DDX6: variants seen among roughly 807,000 people sequenced by gnomAD.
DDX6 encodes the protein probable ATP-dependent RNA helicase DDX6.
A neutral mutation model predicts 60.6 loss-of-function variants in DDX6; 7 were observed. The ratio of observed to expected loss-of-function variants is 0.12; its 90% CI spans 0.07 to 0.22. The LOEUF (loss-of-function observed/expected upper bound fraction) is 0.22, where lower values mean the gene tolerates loss of function less well. Ranked by LOEUF, DDX6 falls within the 10% of genes least tolerant of loss-of-function variation. The pLI is 1.00. For synonymous variants in DDX6, 207 were observed against 201.0 expected, an observed-to-expected ratio of 1.03 and a Z score of -0.25; for missense variants, 270 against 589.9, an observed-to-expected ratio of 0.46 and a Z score of 5.62.
At chr11:118,786,781 C>T in intron 1 of DDX6, 1 of 153,644 alleles carries the variant, frequency 6.5e-6, no homozygotes, top group Non-Finnish European at 1.5e-5. Flanking sequence ...TAAATTAGCA[C>T]TACTCGTCAA....
At chr11:118,773,744 T>G (rs1409598893) in intron 4 of DDX6, among the ~76,000 whole-genome samples, 1 of 151,582 alleles carries the variant, frequency 6.6e-6, no homozygotes, top group Non-Finnish European at 1.5e-5. Context: ...ATCTCAACCC[T>G]CTGCAAGGCT....
chr11:118,775,967 CCAAAAA>C (rs541954503), intron 4 of DDX6, among the ~76,000 whole-genome samples: 25 of 152,016 alleles, frequency 1.6e-4, no homozygotes, highest in East Asian at 3.9e-4. Flanking sequence ...CTTGACTCTA[CCAAAAA>C]CAAAAACAAA....
intron 5 of DDX6, 90 bp from the exon 6 acceptor site, chr11:118,765,445 T>A: frequency 7.3e-7 from 1 of 1,364,878 alleles, no homozygotes; most frequent in Non-Finnish European, 1.0e-6. Flanking sequence ...TAAGAAGCTA[T>A]AGAAATACTG....
intron 8 of DDX6, 38 bp downstream of exon 8, chr11:118,759,884 C>G (rs1555159780): frequency 1.3e-6 from 2 of 1,583,004 alleles, no homozygotes; most frequent in Non-Finnish European, 1.7e-6. Flanking sequence ...TCAAAGGTCA[C>G]AGGATGGCAC....
intron 9 of DDX6, among the ~76,000 whole-genome samples, chr11:118,757,704 C>G (rs1555159281): frequency 2.0e-5 from 3 of 152,136 alleles, no homozygotes; most frequent in African/African-American, 7.2e-5. Flanking sequence ...AATTCTCCAG[C>G]CTCAGCCTCT....
chr11:118,770,226 C>A (rs1290995962), intron 4 of DDX6, among the ~76,000 whole-genome samples: 1 of 151,782 alleles, frequency 6.6e-6, no homozygotes, highest in East Asian at 1.9e-4. Flanking sequence ...GGGTGTTTCA[C>A]CATGTTGGCC....
At chr11:118,756,029 C>CCCAA (rs1491121650) in intron 11 of DDX6, among the ~76,000 whole-genome samples, 2 of 94,986 alleles carry the variant, frequency 2.1e-5, no homozygotes, top group Non-Finnish European at 4.3e-5. Context: ...CCCCCCCCCC[C>CCCAA]AAAAAAAAGA....
At chr11:118,762,072 C>T (rs1174812374) in intron 7 of DDX6, among the ~76,000 whole-genome samples, 2 of 151,882 alleles carry the variant, frequency 1.3e-5, no homozygotes, top group South Asian at 2.1e-4. Context: ...GTCAGGAGTT[C>T]GAGACTAGCC....
intron 12 of DDX6, 37 bp downstream of exon 12, chr11:118,755,365 G>C: frequency 1.5e-6 from 2 of 1,342,094 alleles, no homozygotes; most frequent in Non-Finnish European, 1.1e-6. Context: ...CCTCAAAAAA[G>C]AACTTCTACC....
chr11:118,785,976 A>G, intron 2 of DDX6, 76 bp downstream of exon 2: 2 of 1,415,342 alleles, frequency 1.4e-6, no homozygotes, highest in Non-Finnish European at 1.9e-6. Context: ...AGGCATAAGT[A>G]TTAATAGTCA....
At chr11:118,755,716 T>A (rs1860943280) in intron 11 of DDX6, among the ~76,000 whole-genome samples, 1 of 152,090 alleles carries the variant, frequency 6.6e-6, no homozygotes, top group African/African-American at 2.4e-5. Context: ...AAGCAAGTTT[T>A]AAAAAATGTG....
intron 3 of DDX6, 67 bp downstream of exon 3, chr11:118,781,054 G>C (rs546564402): frequency 9.1e-7 from 1 of 1,097,000 alleles, no homozygotes. Context: ...TCCAGATACC[G>C]AGGGACAGCT....
rs1555156124 is a variant in DDX6 at position 118,747,812 on chromosome 11, T to C, written c.*4293A>G. 1 of 151,946 alleles carries C rather than the reference T, an allele frequency of 6.6e-6. No homozygotes were observed. The highest frequency in any genetic ancestry group is 2.4e-5 in the African/African-American group (1 of 41,336). 9.4% of individuals were successfully genotyped at this position (151,946 alleles called of 1,614,324 possible). A position where few individuals can be genotyped will look rare whatever the true frequency, so the allele number is the denominator to read the frequency against. ...TGAGATAAATTAACAAAAACCAAGA[T>C]TTTACCATATTTTTGGAACCTTATA... On this transcript the variant is annotated 3_prime_UTR_variant, in exon 14 of 14. Coordinates refer to ENST00000534980, the MANE Select transcript of DDX6 (RefSeq NM_004397.6).
intron 13 of DDX6, among the ~76,000 whole-genome samples, chr11:118,753,510 T>C (rs1268950578): frequency 1.3e-5 from 2 of 150,882 alleles, no homozygotes; most frequent in East Asian, 2.0e-4. Flanking sequence ...CGGCTAATTT[T>C]TGTATTTTTA....
chr11:118,750,012 G>A lies in DDX6; in HGVS notation c.*2093C>T, dbSNP rs892735004. On this transcript the variant is annotated 3_prime_UTR_variant, in exon 14 of 14. Coordinates refer to ENST00000534980, the MANE Select transcript of DDX6 (RefSeq NM_004397.6). Reference sequence around the variant, plus strand: ...GTAGGATTTTGATCTCCAAGGAATTGTGGGTGAGTCGCAAATAGTTTGCTC... The same window carrying A: ...GTAGGATTTTGATCTCCAAGGAATTATGGGTGAGTCGCAAATAGTTTGCTC... 6 of 152,620 alleles carry A rather than the reference G, an allele frequency of 3.9e-5. No individual in the cohort carries two copies. The highest frequency in any genetic ancestry group is 5.9e-5 in the Non-Finnish European group (4 of 68,046). 9.5% of individuals were successfully genotyped at this position (152,620 alleles called of 1,614,324 possible).
rs1591928610 is a variant in DDX6 at position 118,786,385 on chromosome 11, T to G, written c.-134A>C. The G allele has an allele frequency of 1.5e-6, 1 of 677,728 alleles. No individual in the cohort carries two copies. Among genetic ancestry groups the G allele is most frequent in the East Asian group, 2.9e-5 (1 of 34,376 alleles). The allele number at this position is 677,728 out of a possible 1,614,324, so 42.0% of individuals were successfully genotyped here. ...CTTGCTCAATAAATGAGTCCTTTAT[T>G]GCAATGCAGGCAAGCACCTGTAAGT... On this transcript the variant is annotated 5_prime_UTR_variant, in exon 2 of 14. Coordinates refer to ENST00000534980, the MANE Select transcript of DDX6 (RefSeq NM_004397.6).
At chr11:118,789,731 A>G (rs535083025) in intron 1 of DDX6, 9 of 152,362 alleles carry the variant, frequency 5.9e-5, no homozygotes, top group African/African-American at 2.2e-4. Context: ...CAACCTCTAA[A>G]GACCGAACGA....
rs1555161069 is a variant in DDX6, at chr11:118,765,276, C to T, written c.579G>A (p.Gly193=). The change falls in exon 6 of 14, where the codon GGG becomes GGA. Residue 193 remains glycine, a synonymous_variant. Transcript: ENST00000534980. ...ICIQVSKHMG[G]AKVMATTGGT... is the part of the protein sequence containing the mutation. Reference sequence around the variant, plus strand: ...CTCCTGTGGTTGCCATCACTTTGGCCCCTCCCATGTGTTTGCTGACCTGGA... The same window carrying T: ...CTCCTGTGGTTGCCATCACTTTGGCTCCTCCCATGTGTTTGCTGACCTGGA... 1 of 1,613,322 alleles carries T rather than the reference C, an allele frequency of 6.2e-7. No homozygotes were observed. The highest frequency in any genetic ancestry group is 8.5e-7 in the Non-Finnish European group (1 of 1,179,862).
At chr11:118,774,731 C>T (rs1211504494) in intron 4 of DDX6, among the ~76,000 whole-genome samples, 1 of 152,036 alleles carries the variant, frequency 6.6e-6, no homozygotes, top group Non-Finnish European at 1.5e-5. Context: ...GCCAATTCTC[C>T]AAATCTCACA....
Sources: allele counts gnomAD v4.1 joint callset (sites outside exome capture counted in the v4.1 genomes callset), GRCh38; gene constraint gnomAD v4.1.1; transcripts MANE v1.5; gene names NCBI Gene and HGNC (gene_info 2026-07-23, HGNC 2026-07-21).